Variants in ERCC2 observed in about 807,000 individuals in gnomAD.
ERCC2 encodes the protein general transcription and DNA repair factor IIH helicase subunit XPD.
Under a neutral mutation model 99.4 loss-of-function variants are expected in ERCC2, and 90 were observed. That is an observed-to-expected ratio of 0.91 (90% confidence interval 0.76 to 1.08). The LOEUF (loss-of-function observed/expected upper bound fraction) is 1.08. ERCC2 is among the 50% of genes least tolerant of loss of function. The probability of loss-of-function intolerance (pLI) is 0.00; values close to 1 mark genes in which losing one functional copy is unlikely to be tolerated. For missense variants in ERCC2, 993 were observed against 1,038.1 expected (o/e 0.96, Z 0.60); for synonymous variants, 497 against 432.4 (o/e 1.15, Z -1.85).
chr19:45,360,405 T>C (rs1170422525), intron 12 of ERCC2, among the ~76,000 whole-genome samples: 1 of 130,392 alleles, frequency 7.7e-6, no homozygotes, highest in Non-Finnish European at 1.6e-5. Context: ...TGAGACGAAG[T>C]CTTGCTCTGT....
Position 45,365,093 on chromosome 19 carries a change from C to T in ERCC2, c.426G>A (p.Val142=), listed in dbSNP as rs375620999. 7 of 1,614,064 alleles carry T rather than the reference C, an allele frequency of 4.3e-6. No homozygotes were observed. In the African/African-American group the frequency reaches 9.3e-5, roughly 22 times the overall value. ...TGGTGTCATGCTGGTACTGCGCCCG[C>T]ACATAGGAGGCTGTGAGGCTGTGGC... ...GKCHSLTASY[V]RAQYQHDTSL... Residue 142 remains valine, a synonymous_variant, in exon 6 of 23, where the codon GTG becomes GTA. Coordinates refer to ENST00000391945, the MANE Select transcript of ERCC2 (RefSeq NM_000400.4).
chr19:45,355,699 G>A lies in ERCC2; in HGVS notation c.1509C>T (p.Ala503=). The A allele has an allele frequency of 6.2e-7, 1 of 1,614,190 alleles. No individual in the cohort carries two copies. The highest frequency in any genetic ancestry group is 8.5e-7 in the Non-Finnish European group (1 of 1,180,024). The change falls in exon 16 of 23, where the codon GCC becomes GCT. Residue 503 remains alanine (A), a synonymous_variant. Transcript: ENST00000391945. ...MIIGRGNDQV[A]ISSKFETRED... ...CCCGGGTCTCAAATTTGGAGCTGAT[G>A]GCCACCTGGTCATTGCCACGGCCGA... is the stretch of plus-strand genomic sequence containing the variant.
At chr19:45,364,178 AG>A (rs1408773825) in intron 9 of ERCC2, 56 bp downstream of exon 9, 3 of 1,611,316 alleles carry the variant, frequency 1.9e-6, no homozygotes, top group East Asian at 4.5e-5. Flanking sequence ...CAAGTCAGAC[AG>A]GGGCCAGGGT....
chr19:45,360,143 C>T (rs532407879), intron 12 of ERCC2, among the ~76,000 whole-genome samples: 61 of 149,502 alleles, frequency 4.1e-4, no homozygotes, highest in East Asian at 3.2e-3. Context: ...TGCAGTGGCA[C>T]GATCTCGGCT....
intron 17 of ERCC2, 129 bp from the exon 18 acceptor site, chr19:45,353,463 G>T (rs1971899782): frequency 1.4e-6 from 1 of 704,760 alleles, no homozygotes; most frequent in Non-Finnish European, 2.6e-6. Flanking sequence ...ATGTGGTGAG[G>T]GAGGGTGGAA....
chr19:45,350,277 C>T lies in ERCC2; in HGVS notation c.*1352G>A, dbSNP rs916806190. 111 of 1,173,392 alleles carry T rather than the reference C, an allele frequency of 9.5e-5. 1 individual carries two copies. Among genetic ancestry groups the T allele is most frequent in the Admixed American group, 4.5e-4 (20 of 44,386 alleles). The allele number at this position is 1,173,392 out of a possible 1,614,324, so 72.7% of individuals were successfully genotyped here. On this transcript the variant is annotated 3_prime_UTR_variant, in exon 23 of 23. Transcript: ENST00000391945. ...GTCTCTACAAAAAAAAAAAAAAAGGCGGGACTGGATGCAGTGTTGGGAACT... is the reference window on the plus strand; with the variant it reads ...GTCTCTACAAAAAAAAAAAAAAAGGTGGGACTGGATGCAGTGTTGGGAACT...
At position 45,352,331 on chromosome 19, in the gene ERCC2, G is replaced by A. The variant is rs751956427; in HGVS notation, c.2068C>T (p.Arg690Trp). 1.5e-5 allele frequency: 25 copies of A among 1,614,008 alleles called. No homozygotes were observed. Among genetic ancestry groups the A allele is most frequent in the East Asian group, 2.2e-5 (1 of 44,878 alleles). ...TGGATCCAGCGGGGCAGCTTCCCCC[G>A]CTTGTCCCCACGGGCAAACCGCTGT... ...ADKRFARGDK[R>W]GKLPRWIQEH... is the part of the protein sequence containing the mutation. Residue 690 changes from arginine to tryptophan, a missense_variant, in exon 22 of 23, where the codon CGG becomes TGG. This residue lies in a region of ERCC2 where 909 missense variants were observed against 930.8 expected (regional missense o/e 0.98). Transcript: ENST00000391945.
chr19:45,354,883 G>A (rs182003983), intron 16 of ERCC2, 32 bp from the exon 17 acceptor site: 11 of 1,613,412 alleles, frequency 6.8e-6, no homozygotes, highest in Non-Finnish European at 7.6e-6. Context: ...GCCCTCTCCT[G>A]GCCCAGGTCC....
chr19:45,354,844 G>A lies in ERCC2; in HGVS notation c.1551C>T (p.Ile517=). 3 of 1,614,038 alleles carry A rather than the reference G, an allele frequency of 1.9e-6. No homozygotes were observed. Among genetic ancestry groups the A allele is most frequent in the East Asian group, 4.5e-5 (2 of 44,880 alleles). ...KFETREDIAV[I]RNYGNLLLEM... is the part of the protein sequence containing the mutation. Reference sequence around the variant, plus strand: ...CCAGCAGGAGGTTCCCATAGTTCCGGATCACAGCTGCAAGGGGTCAGAGGT... The same window carrying A: ...CCAGCAGGAGGTTCCCATAGTTCCGAATCACAGCTGCAAGGGGTCAGAGGT... Residue 517 remains isoleucine, a synonymous_variant, in exon 17 of 23, where the codon ATC becomes ATT. Coordinates refer to ENST00000391945, the MANE Select transcript of ERCC2 (RefSeq NM_000400.4).
intron 11 of ERCC2, among the ~76,000 whole-genome samples, chr19:45,362,703 G>A (rs1019594996): frequency 1.1e-4 from 16 of 152,226 alleles, no homozygotes; most frequent in Non-Finnish European, 1.9e-4. Flanking sequence ...GCAGGCACTT[G>A]GGGAATGTGT....
chr19:45,357,605 A>G (rs1972057337), intron 13 of ERCC2, 25 bp downstream of exon 13: 4 of 1,613,908 alleles, frequency 2.5e-6, no homozygotes. Context: ...CAGAGCATTC[A>G]CACCCTCACC....
At chr19:45,363,379 C>G (rs910962936) in intron 11 of ERCC2, among the ~76,000 whole-genome samples, 11 of 152,156 alleles carry the variant, frequency 7.2e-5, no homozygotes, top group Admixed American at 5.9e-4. Context: ...AGTTGGTTCT[C>G]AACACACTCC....
chr19:45,350,476 TATGTCCCCATCTCA>T lies in ERCC2; in HGVS notation c.*1139_*1152del, dbSNP rs1292099794. ...CTGTCTTCCCTCCTGGTGGCTTCTC[TATGTCCCCATCTCA>T]GTGTCCCCCATCTTTCCCCCTAGGT... On this transcript the variant is annotated 3_prime_UTR_variant, in exon 23 of 23. Transcript: ENST00000391945. The T allele has an allele frequency of 1.9e-6, 3 of 1,613,248 alleles. No homozygotes were observed. Among genetic ancestry groups the T allele is most frequent in the Middle Eastern group, 1.7e-4 (1 of 6,058 alleles).
At position 45,351,227 on chromosome 19, in the gene ERCC2, G is replaced by A. The variant is rs1241660743; in HGVS notation, c.*402C>T. 13 of 1,591,306 alleles carry A rather than the reference G, an allele frequency of 8.2e-6. No individual in the cohort carries two copies. The East Asian group carries it at 2.7e-4, about 33-fold the overall frequency. On this transcript the variant is annotated 3_prime_UTR_variant, in exon 23 of 23. Transcript: ENST00000391945. ...TGCCAGGCTGGACCTGGAGCTGGAG[G>A]GTGGATGTAACACTTGCCCCTCACC...
chr19:45,364,584 C>T (rs1972357853), intron 7 of ERCC2, 37 bp from the exon 8 acceptor site: 1 of 1,609,918 alleles, frequency 6.2e-7, no homozygotes, highest in South Asian at 1.1e-5. Context: ...AGGGCCCTGC[C>T]ACCCCAACCC....
In ERCC2 at chr19:45,365,049, A is replaced by G; in HGVS notation, c.470T>C (p.Phe157Ser). 6.2e-7 allele frequency: 1 copy of G among 1,613,822 alleles called. No homozygotes were observed. Residue 157 changes from phenylalanine (F) to serine (S), a missense_variant, in exon 6 of 23, where the codon TTC becomes TCC. Coordinates refer to ENST00000391945, the MANE Select transcript of ERCC2 (RefSeq NM_000400.4). ...QHDTSLPHCR[F>S]YEEFDAHGRE... ...GCCCTGCCCTCCAGTAACCTCATAG[A>G]ATCGGCAGTGGGGCAGGCTGGTGTC...
At chr19:45,358,378 T>C in intron 12 of ERCC2, 1 of 200,622 alleles carries the variant, frequency 5.0e-6, no homozygotes. Context: ...CTCCAAAACC[T>C]ACCTGCAATT....
intron 2 of ERCC2, among the ~76,000 whole-genome samples, chr19:45,369,619 G>A (rs1972538101): frequency 6.6e-6 from 1 of 152,194 alleles, no homozygotes. Context: ...ACATGACTAT[G>A]AGGATTGTGA....
chr19:45,352,700 C>T, intron 20 of ERCC2, 46 bp downstream of exon 20: 1 of 1,614,042 alleles, frequency 6.2e-7, no homozygotes, highest in South Asian at 1.1e-5. Flanking sequence ...CCACTCCTCC[C>T]TTGATCCTAA....
Sources: allele counts gnomAD v4.1 joint callset (sites outside exome capture counted in the v4.1 genomes callset), GRCh38; gene constraint gnomAD v4.1.1; regional missense constraint gnomAD v4.1.1; transcripts MANE v1.5; gene names NCBI Gene and HGNC (gene_info 2026-07-23, HGNC 2026-07-21).